PLAAT1: variants seen among roughly 807,000 people sequenced by gnomAD.
The protein encoded by PLAAT1 is phospholipase A and acyltransferase 1.
PLAAT1 carries 13 observed loss-of-function variants against 16.4 expected under a neutral mutation model. That is an observed-to-expected ratio of 0.79 (90% confidence interval 0.52 to 1.26). PLAAT1 has a LOEUF of 1.26. Ranked by LOEUF, PLAAT1 falls within the 50% of genes most tolerant of loss-of-function variation. The pLI, the probability that PLAAT1 is intolerant of heterozygous loss-of-function variation, is 0.00. For missense variants in PLAAT1, 218 were observed against 207.8 expected (o/e 1.05, Z -0.30); for synonymous variants, 73 against 78.4 (o/e 0.93, Z 0.36).
chr3:193,242,466 T>C (rs189165977), intron 1 of PLAAT1, among the ~76,000 whole-genome samples: 2 of 152,044 alleles, frequency 1.3e-5, no homozygotes, highest in African/African-American at 4.8e-5. Context: ...CACTTGGAAA[T>C]GGGCATTCTG....
chr3:193,267,162 T>A (rs1038626913), intron 3 of PLAAT1, among the ~76,000 whole-genome samples: 25 of 152,288 alleles, frequency 1.6e-4, no homozygotes, highest in African/African-American at 5.8e-4. Context: ...ATATGTCACA[T>A]CATTACCATA....
upstream of PLAAT1, chr3:193,241,141 C>A: frequency 1.0e-6 from 1 of 954,784 alleles, no homozygotes; most frequent in Non-Finnish European, 1.3e-6. Context: ...GGCGGGCGGG[C>A]GAAGCTGGGC....
chr3:193,259,076 G>A (rs1716489937), intron 2 of PLAAT1, among the ~76,000 whole-genome samples: 1 of 152,084 alleles, frequency 6.6e-6, no homozygotes, highest in Admixed American at 6.5e-5. Context: ...TATTCCTGAG[G>A]TACAAGATTG....
At chr3:193,275,257 C>G (rs1461567097), downstream of PLAAT1, 1 of 1,613,928 alleles carries the variant, frequency 6.2e-7, no homozygotes, top group Admixed American at 1.7e-5. Flanking sequence ...AATCCAAATT[C>G]TCTTTTGATC....
chr3:193,275,014 T>G, downstream of PLAAT1: 7 of 1,611,954 alleles, frequency 4.3e-6, no homozygotes, highest in Non-Finnish European at 5.9e-6. Flanking sequence ...AAAGCAATGC[T>G]GTTGAGCATG....
chr3:193,265,773 T>C (rs1716758164), intron 3 of PLAAT1, among the ~76,000 whole-genome samples: 1 of 151,536 alleles, frequency 6.6e-6, no homozygotes, highest in East Asian at 2.0e-4. Flanking sequence ...TAATGAATGT[T>C]CTGCTCACAT....
downstream of PLAAT1, among the ~76,000 whole-genome samples, chr3:193,279,976 TAAAAAAAAAAAA>T (rs57617984): frequency 3.3e-5 from 2 of 59,890 alleles, no homozygotes; most frequent in African/African-American, 1.6e-4. Flanking sequence ...GTGTCTTTGT[TAAAAAAAAAAAA>T]AAAAAAAAAA....
chr3:193,251,562 A>G (rs895068036), intron 1 of PLAAT1, among the ~76,000 whole-genome samples: 3 of 151,940 alleles, frequency 2.0e-5, no homozygotes, highest in African/African-American at 7.3e-5. Flanking sequence ...TTTCCATACT[A>G]TTTTTCAGAC....
intron 2 of PLAAT1, among the ~76,000 whole-genome samples, chr3:193,259,488 C>T (rs547192718): frequency 6.6e-6 from 1 of 152,238 alleles, no homozygotes; most frequent in South Asian, 2.1e-4. Context: ...CTACAGACTC[C>T]ACCAGAAGCC....
At chr3:193,268,942 C>T (rs1716877528) in intron 3 of PLAAT1, among the ~76,000 whole-genome samples, 1 of 152,122 alleles carries the variant, frequency 6.6e-6, no homozygotes, top group African/African-American at 2.4e-5. Flanking sequence ...CCATTTGACA[C>T]CTCTGTTTAA....
chr3:193,241,203 G>A (rs1448403778), upstream of PLAAT1: 9 of 1,222,360 alleles, frequency 7.4e-6, no homozygotes, highest in African/African-American at 7.8e-5. Context: ...CTCCTGGGCG[G>A]AGCGGGCGGC....
intron 3 of PLAAT1, 57 bp from the exon 4 acceptor site, chr3:193,270,547 G>GAC: frequency 1.3e-6 from 2 of 1,527,680 alleles, no homozygotes; most frequent in Non-Finnish European, 1.8e-6. Context: ...CTTCATTTAG[G>GAC]ACACAGATGT....
At chr3:193,270,537 C>G (rs1392311464) in intron 3 of PLAAT1, 67 bp from the exon 4 acceptor site, 2 of 1,470,600 alleles carry the variant, frequency 1.4e-6, no homozygotes, top group African/African-American at 2.8e-5. Context: ...CAGGCTAAAG[C>G]TTCATTTAGG....
At chr3:193,275,893 G>A (rs1048158183) in intron 2 of PLAAT1, among the ~76,000 whole-genome samples, 12 of 151,980 alleles carry the variant, frequency 7.9e-5, no homozygotes, top group Admixed American at 7.9e-4. Context: ...ATTTTATTAT[G>A]GGAAGAACGT....
At chr3:193,274,989 T>A, downstream of PLAAT1, 2 of 1,598,430 alleles carry the variant, frequency 1.3e-6, no homozygotes, top group Non-Finnish European at 1.7e-6. Flanking sequence ...CCACAATGTG[T>A]TAATTTTGGG....
intron 1 of PLAAT1, among the ~76,000 whole-genome samples, chr3:193,246,523 T>C (rs1472770057): frequency 6.6e-6 from 1 of 151,946 alleles, no homozygotes; most frequent in Non-Finnish European, 1.5e-5. Flanking sequence ...CATGCCACCA[T>C]GTTAGCTTTT....
downstream of PLAAT1, among the ~76,000 whole-genome samples, chr3:193,272,088 A>G (rs1717001262): frequency 6.6e-6 from 1 of 152,090 alleles, no homozygotes; most frequent in South Asian, 2.1e-4. Flanking sequence ...TTTCTCTTTC[A>G]TTTTTACTCT....
At chr3:193,280,323 A>G (rs1054083508), downstream of PLAAT1, among the ~76,000 whole-genome samples, 1 of 152,302 alleles carries the variant, frequency 6.6e-6, no homozygotes, top group Non-Finnish European at 1.5e-5. Context: ...AAGTGCTATG[A>G]TTACAGGCAT....
At chr3:193,281,322 C>A, downstream of PLAAT1, 1 of 417,402 alleles carries the variant, frequency 2.4e-6, no homozygotes, top group Non-Finnish European at 3.2e-6. Context: ...GGTCTAAAAA[C>A]TAGGTCTCGC....
Sources: gnomAD v4.1 joint callset for allele counts (sites outside exome capture counted in the v4.1 genomes callset) on GRCh38, gnomAD v4.1.1 for gene constraint, MANE v1.5 for transcripts, NCBI Gene and HGNC (gene_info 2026-07-23, HGNC 2026-07-21) for gene names.